Variants in ZNF766 observed in about 807,000 individuals in gnomAD.
The protein encoded by ZNF766 is zinc finger protein 766.
ZNF766 carries 13 observed loss-of-function variants against 13.2 expected under a neutral mutation model. That is an observed-to-expected ratio of 0.98 (90% CI 0.64 to 1.56). ZNF766 has a LOEUF of 1.56. Ranked by LOEUF, ZNF766 falls within the 40% of genes most tolerant of loss-of-function variation. The pLI, the probability that ZNF766 is intolerant of heterozygous loss-of-function variation, is 0.00. For synonymous variants in ZNF766, 178 were observed against 187.6 expected (o/e 0.95, Z 0.42); for missense variants, 521 against 552.2 (o/e 0.94, Z 0.57).
intron 1 of ZNF766, among the ~76,000 whole-genome samples, chr19:52,270,189 C>T (rs1213479980): frequency 1.3e-5 from 2 of 152,282 alleles, no homozygotes; most frequent in Non-Finnish European, 1.5e-5. Flanking sequence ...CCAAATTCCT[C>T]CCATTGGAAA....
chr19:52,289,998 C>A, intron 3 of ZNF766, 68 bp from the exon 4 acceptor site: 2 of 1,507,236 alleles, frequency 1.3e-6, no homozygotes, highest in South Asian at 1.4e-5. Flanking sequence ...CAGACTCCAA[C>A]TCAAAAAAAG....
At chr19:52,272,568 G>T (rs1030130580) in intron 1 of ZNF766, among the ~76,000 whole-genome samples, 1 of 152,092 alleles carries the variant, frequency 6.6e-6, no homozygotes, top group African/African-American at 2.4e-5. Context: ...CCGGGCTCAG[G>T]AGGTCCTCCT....
At chr19:52,287,149 CT>C (rs565661735) in intron 3 of ZNF766, among the ~76,000 whole-genome samples, 48 of 145,428 alleles carry the variant, frequency 3.3e-4, no homozygotes, top group East Asian at 2.2e-3. Flanking sequence ...CTGCAGTTTT[CT>C]TTTTTTTTTT....
At chr19:52,276,673 G>A (rs536727271) in intron 1 of ZNF766, among the ~76,000 whole-genome samples, 9 of 152,328 alleles carry the variant, frequency 5.9e-5, no homozygotes, top group African/African-American at 1.9e-4. Context: ...CATCCTTTAA[G>A]TGGAGTAAAT....
intron 1 of ZNF766, among the ~76,000 whole-genome samples, chr19:52,269,890 C>A (rs1019896694): frequency 6.6e-6 from 1 of 152,198 alleles, no homozygotes; most frequent in Non-Finnish European, 1.5e-5. Flanking sequence ...TCCGCCAGCC[C>A]CGCGCCACGT....
At position 52,290,648 on chromosome 19, in the gene ZNF766, T is replaced by G; in HGVS notation, c.857T>G (p.Leu286Arg). The G allele has an allele frequency of 1.9e-6, 3 of 1,613,786 alleles. No individual in the cohort carries two copies. The highest frequency in any genetic ancestry group is 2.5e-6 in the Non-Finnish European group (3 of 1,179,860). Residue 286 changes from leucine (L) to arginine (R), a missense_variant, in exon 4 of 4, where the codon CTT becomes CGT. Physicochemically the swap from Leu to Arg is moderately radical, Grantham distance 102 (BLOSUM62 -2). Transcript: ENST00000439461. ...AAGGTCTTCAGTCGAATTACATACCTTGTACGACATCAGAAAATTCATACT... is the reference window on the plus strand; with the variant it reads ...AAGGTCTTCAGTCGAATTACATACCGTGTACGACATCAGAAAATTCATACT... ...CGKVFSRITY[L>R]VRHQKIHTRE...
In ZNF766 at chr19:52,294,786, A is replaced by G. The variant is rs552740559; in HGVS notation, c.*3588A>G. ...GTTAGGAAAGACTCTGATTTTCTTC[A>G]TGATAATATCTTACGTTCCTTTTAT... On this transcript the variant is annotated 3_prime_UTR_variant, in exon 4 of 4. Transcript: ENST00000439461. 2 of 145,848 alleles carry G rather than the reference A, an allele frequency of 1.4e-5. No homozygotes were observed. The highest frequency in any genetic ancestry group is 5.0e-5 in the African/African-American group (2 of 40,326). The allele number at this position is 145,848 out of a possible 1,614,324, so 9.0% of individuals were successfully genotyped here.
At chr19:52,283,539 A>G (rs1185863826) in intron 3 of ZNF766, 126 bp downstream of exon 3, 2 of 1,271,350 alleles carry the variant, frequency 1.6e-6, no homozygotes, top group Non-Finnish European at 2.1e-6. Flanking sequence ...CTGGGCTTCA[A>G]CAGTCCTCCT....
chr19:52,286,269 CTA>C (rs1020974641), intron 3 of ZNF766, among the ~76,000 whole-genome samples: 6 of 149,574 alleles, frequency 4.0e-5, no homozygotes, highest in African/African-American at 1.3e-4. Flanking sequence ...TATATGGACT[CTA>C]TTATGTTAAG....
intron 1 of ZNF766, among the ~76,000 whole-genome samples, chr19:52,272,949 C>G (rs1394057591): frequency 6.6e-6 from 1 of 152,176 alleles, no homozygotes; most frequent in South Asian, 2.1e-4. Context: ...CCTGTACTTC[C>G]TGGGGCTTAG....
intron 1 of ZNF766, among the ~76,000 whole-genome samples, chr19:52,276,913 A>G (rs1181725933): frequency 6.6e-6 from 1 of 152,178 alleles, no homozygotes; most frequent in African/African-American, 2.4e-5. Context: ...AGTCCAGCCC[A>G]GCTCCCCACT....
chr19:52,282,355 G>T (rs573302342), intron 2 of ZNF766, 118 bp downstream of exon 2: 4 of 1,291,888 alleles, frequency 3.1e-6, no homozygotes, highest in African/African-American at 1.5e-5. Flanking sequence ...TGTTGACTTG[G>T]CTGGGCACGG....
chr19:52,282,746 G>A (rs1981591130), intron 2 of ZNF766, among the ~76,000 whole-genome samples: 2 of 152,046 alleles, frequency 1.3e-5, no homozygotes. Flanking sequence ...TACACCTTTG[G>A]GTGGTACCTG....
chr19:52,290,755 A>G lies in ZNF766; in HGVS notation c.964A>G (p.Thr322Ala). 1 of 1,613,988 alleles carries G rather than the reference A, an allele frequency of 6.2e-7. No individual in the cohort carries two copies. Among genetic ancestry groups the G allele is most frequent in the South Asian group, 1.1e-5 (1 of 91,070 alleles). Residue 322 changes from threonine to alanine, a missense_variant, in exon 4 of 4, where the codon ACA (threonine) becomes GCA (alanine). Thr to Ala is a moderately conservative substitution (Grantham distance 58, BLOSUM62 0). Transcript: ENST00000439461. ...SYLAQHWRIH[T>A]GEKLYKCNKC... ...CCTAGCACAACATTGGAGAATTCATACAGGAGAGAAACTTTACAAATGTAA... is the reference window on the plus strand; with the variant it reads ...CCTAGCACAACATTGGAGAATTCATGCAGGAGAGAAACTTTACAAATGTAA...
rs774094975 is a variant in ZNF766, at chr19:52,269,613, T to C, written c.-1T>C. ...GACCCGGAAGTGGATGGCGTGGAGATATGGCGCAACTGCGGCGCGTGAGTT... is the reference window on the plus strand; with the variant it reads ...GACCCGGAAGTGGATGGCGTGGAGACATGGCGCAACTGCGGCGCGTGAGTT... On this transcript the variant is annotated 5_prime_UTR_variant, in exon 1 of 4. Transcript: ENST00000439461. The C allele has an allele frequency of 5.6e-6, 9 of 1,612,706 alleles. No homozygotes were observed. The African/African-American group carries it at 9.3e-5, about 17-fold the overall frequency.
chr19:52,290,494 A>G lies in ZNF766; in HGVS notation c.703A>G (p.Arg235Gly). ...CAAGTCAGGCCTCGCAGAACATTGG[A>G]GAATTCGTACAGGAGAGAAACCTTA... ...RDKSGLAEHW[R>G]IRTGEKPYKC... The change falls in exon 4 of 4, where the codon AGA becomes GGA. Residue 235 changes from arginine to glycine, a missense_variant. Arg to Gly is a moderately radical substitution (Grantham distance 125, BLOSUM62 -2). Transcript: ENST00000439461. The G allele has an allele frequency of 6.2e-7, 1 of 1,614,088 alleles. No individual in the cohort carries two copies. The highest frequency in any genetic ancestry group is 8.5e-7 in the Non-Finnish European group (1 of 1,179,956).
At chr19:52,277,520 G>A in intron 1 of ZNF766, 1 of 1,577,930 alleles carries the variant, frequency 6.3e-7, no homozygotes, top group Non-Finnish European at 8.5e-7. Context: ...AAGCAGAGGA[G>A]TCAGGCATGC....
chr19:52,278,854 GC>G (rs1981344383), intron 1 of ZNF766, among the ~76,000 whole-genome samples: 1 of 152,172 alleles, frequency 6.6e-6, no homozygotes, highest in Non-Finnish European at 1.5e-5. Context: ...AGTTTCTTTT[GC>G]TGTGCAGAAG....
In ZNF766 at chr19:52,294,382, C is replaced by G. The variant is rs908312923; in HGVS notation, c.*3184C>G. On this transcript the variant is annotated 3_prime_UTR_variant, in exon 4 of 4. Coordinates refer to ENST00000439461, the MANE Select transcript of ZNF766 (RefSeq NM_001010851.3). Reference sequence around the variant, plus strand: ...CTTCTGGAACTGCTTTGACATCCACCTGAAGTTTGGTTTGGGTATTGAGAA... The same window carrying G: ...CTTCTGGAACTGCTTTGACATCCACGTGAAGTTTGGTTTGGGTATTGAGAA... 4.6e-5 allele frequency: 7 copies of G among 152,130 alleles called. No homozygotes were observed. The highest frequency in any genetic ancestry group is 1.7e-4 in the African/African-American group (7 of 41,416). 9.4% of individuals were successfully genotyped at this position (152,130 alleles called of 1,614,324 possible).
Sources: gnomAD v4.1 joint callset for allele counts (sites outside exome capture counted in the v4.1 genomes callset) on GRCh38, gnomAD v4.1.1 for gene constraint, MANE v1.5 for transcripts, NCBI Gene and HGNC (gene_info 2026-07-23, HGNC 2026-07-21) for gene names.